PRUNE2: variants seen among roughly 807,000 people sequenced by gnomAD.
PRUNE2 encodes protein prune homolog 2.
In PRUNE2, 164 loss-of-function variants were observed where a neutral mutation model predicts 252.0. That is an observed-to-expected ratio of 0.65 (90% CI 0.57 to 0.74). The LOEUF (loss-of-function observed/expected upper bound fraction) is 0.74, where lower values mean the gene tolerates loss of function less well. Among genes scored for constraint, PRUNE2 ranks in the 30% least tolerant of loss-of-function variants. PRUNE2 has a pLI of 0.00. For synonymous variants in PRUNE2, 1,292 were observed against 1,350.2 expected, an observed-to-expected ratio of 0.96 and a Z score of 0.94; for missense variants, 3,495 against 3,711.0, an observed-to-expected ratio of 0.94 and a Z score of 1.51.
intron 6 of PRUNE2, chr9:76,737,372 G>A (rs890289884): frequency 6.6e-6 from 1 of 152,208 alleles, no homozygotes; most frequent in East Asian, 1.9e-4. Flanking sequence ...GCTAACATCA[G>A]TGACAGCAGA....
At chr9:76,651,315 G>A (rs1252866321) in intron 11 of PRUNE2, among the ~76,000 whole-genome samples, 1 of 152,190 alleles carries the variant, frequency 6.6e-6, no homozygotes, top group East Asian at 1.9e-4. Flanking sequence ...TCAAGGTAGA[G>A]TCTGAACTGC....
chr9:76,757,672 T>G (rs2051280750), intron 6 of PRUNE2, among the ~76,000 whole-genome samples: 1 of 152,092 alleles, frequency 6.6e-6, no homozygotes, highest in Admixed American at 6.5e-5. Flanking sequence ...GGTCAAGAGA[T>G]TACAACAGGC....
chr9:76,891,648 C>A (rs889942325), intron 1 of PRUNE2, among the ~76,000 whole-genome samples: 5 of 152,224 alleles, frequency 3.3e-5, no homozygotes, highest in Non-Finnish European at 7.3e-5. Flanking sequence ...CAGAAAAGTG[C>A]CCTGTATTTT....
chr9:76,776,422 G>A (rs2053749928), intron 6 of PRUNE2, among the ~76,000 whole-genome samples: 1 of 151,488 alleles, frequency 6.6e-6, no homozygotes, highest in African/African-American at 2.4e-5. Flanking sequence ...TTTCACATAG[G>A]ATAATGATCT....
Position 76,707,913 on chromosome 9 carries a change from T to A in PRUNE2, c.4361A>T (p.Lys1454Ile). The A allele has an allele frequency of 6.2e-7, 1 of 1,613,910 alleles. No homozygotes were observed. The highest frequency in any genetic ancestry group is 1.3e-5 in the African/African-American group (1 of 75,042). ...ATCCTTTTCAGGTACAGATACATATTTTGTGAAATTCATCCCATCTGAAGT... is the reference window on the plus strand; with the variant it reads ...ATCCTTTTCAGGTACAGATACATATATTGTGAAATTCATCCCATCTGAAGT... ...TETSDGMNFT[K>I]YVSVPEKDLE... Residue 1454 changes from lysine to isoleucine, a missense_variant, in exon 8 of 19, where the codon AAA becomes ATA. Coordinates refer to ENST00000376718, the MANE Select transcript of PRUNE2 (RefSeq NM_015225.3).
At chr9:76,702,733 T>C (rs1221527676) in intron 9 of PRUNE2, among the ~76,000 whole-genome samples, 2 of 152,216 alleles carry the variant, frequency 1.3e-5, no homozygotes, top group Non-Finnish European at 2.9e-5. Flanking sequence ...TATCTAACTA[T>C]AAGTTAGGTG....
At chr9:76,757,498 A>T (rs1447641101) in intron 6 of PRUNE2, among the ~76,000 whole-genome samples, 1 of 152,222 alleles carries the variant, frequency 6.6e-6, no homozygotes, top group Non-Finnish European at 1.5e-5. Context: ...CAGAAACTAA[A>T]GCATCTATAA....
chr9:76,691,511 A>G (rs534023383), intron 9 of PRUNE2, among the ~76,000 whole-genome samples: 1 of 152,330 alleles, frequency 6.6e-6, no homozygotes, highest in African/African-American at 2.4e-5. Context: ...AGGGAACAAC[A>G]TAAGCCCATG....
intron 1 of PRUNE2, among the ~76,000 whole-genome samples, chr9:76,889,830 T>C (rs1014568232): frequency 6.6e-6 from 1 of 152,240 alleles, no homozygotes; most frequent in South Asian, 2.1e-4. Flanking sequence ...GGCTCATCAA[T>C]GCTCTGGACA....
rs1231983143 is a variant in PRUNE2, at chr9:76,870,574, T to C, written c.37-16366A>G. On this transcript the variant is annotated intron_variant, in intron 1 of 18. Coordinates refer to ENST00000376718, the MANE Select transcript of PRUNE2 (RefSeq NM_015225.3). Reference sequence around the variant, plus strand: ...GGTAGCGGGTGCCTGTGGTCCCACCTACTCGGGAGGCTGAGGCAGGAGAAT... The same window carrying C: ...GGTAGCGGGTGCCTGTGGTCCCACCCACTCGGGAGGCTGAGGCAGGAGAAT... Among the ~76,000 whole-genome samples the C allele has an allele frequency of 2.6e-5, 4 of 151,852 alleles. No individual in the cohort carries two copies. In the East Asian group the frequency reaches 7.8e-4, roughly 29 times the overall value.
chr9:76,722,317 GT>G (rs1310083717), intron 6 of PRUNE2, among the ~76,000 whole-genome samples: 2 of 149,186 alleles, frequency 1.3e-5, no homozygotes, highest in African/African-American at 5.0e-5. Flanking sequence ...TGATCCTCCT[GT>G]CTCAGCCTCC....
intron 6 of PRUNE2, among the ~76,000 whole-genome samples, chr9:76,794,786 T>C (rs922183384): frequency 6.6e-6 from 1 of 152,112 alleles, no homozygotes; most frequent in Non-Finnish European, 1.5e-5. Flanking sequence ...ATATGTATAA[T>C]GGGAATGCAA....
intron 1 of PRUNE2, among the ~76,000 whole-genome samples, chr9:76,855,082 A>AAAAAAAAAAAAAAAAAAAAT (rs1490285240): frequency 9.1e-6 from 1 of 109,438 alleles, no homozygotes; most frequent in African/African-American, 3.9e-5. Flanking sequence ...AAAAAAAAAA[A>AAAAAAAAAAAAAAAAAAAAT]ATATATATAT....
intron 10 of PRUNE2, among the ~76,000 whole-genome samples, chr9:76,654,324 T>C (rs1010146939): frequency 7.2e-5 from 11 of 152,240 alleles, no homozygotes; most frequent in African/African-American, 2.4e-4. Flanking sequence ...ACTGTTCCCC[T>C]GTCAGTCATT....
At chr9:76,668,900 G>C (rs1249666668) in intron 9 of PRUNE2, among the ~76,000 whole-genome samples, 2 of 150,198 alleles carry the variant, frequency 1.3e-5, no homozygotes, top group Non-Finnish European at 3.0e-5. Context: ...GGAAGTCTGA[G>C]ATCAAGATGT....
intron 1 of PRUNE2, among the ~76,000 whole-genome samples, chr9:76,893,639 C>T (rs1483598634): frequency 5.9e-5 from 9 of 152,180 alleles, no homozygotes; most frequent in African/African-American, 2.2e-4. Flanking sequence ...AGAGATGTTG[C>T]GCTTGGTCAG....
intron 6 of PRUNE2, among the ~76,000 whole-genome samples, chr9:76,734,069 A>C (rs1380547796): frequency 6.6e-6 from 1 of 152,132 alleles, no homozygotes; most frequent in African/African-American, 2.4e-5. Context: ...GGGCTACTCA[A>C]GTCTGGGCAT....
Position 76,705,671 on chromosome 9 carries a change from T to C in PRUNE2, c.6603A>G (p.Thr2201=), listed in dbSNP as rs748973431. 23 of 1,613,916 alleles carry C rather than the reference T, an allele frequency of 1.4e-5. No homozygotes were observed. Among genetic ancestry groups the C allele is most frequent in the Admixed American group, 6.7e-5 (4 of 60,004 alleles). The change falls in exon 8 of 19, where the codon ACA becomes ACG. Residue 2201 remains threonine (T), a synonymous_variant. Coordinates refer to ENST00000376718, the MANE Select transcript of PRUNE2 (RefSeq NM_015225.3). ...EPSEINGDNS[T]GLQVSEKGAS... The stretch of plus-strand genomic sequence containing the variant: ...CTCCTTTTTCTGATACTTGTAAACC[T>C]GTACTGTTGTCACCGTTTATTTCAG...
chr9:76,751,670 A>G lies in PRUNE2; in HGVS notation c.757-37949T>C, dbSNP rs150752404. On this transcript the variant is annotated intron_variant, in intron 6 of 18. Coordinates refer to ENST00000376718, the MANE Select transcript of PRUNE2 (RefSeq NM_015225.3). ...GGTTTGTTTAAATCAATATATTTGG[A>G]AAAAAACCTCTCACCGAAAATACTA... Among the ~76,000 whole-genome samples the G allele has an allele frequency of 2.7e-3, 410 of 152,274 alleles. 10 individuals carry two copies. The East Asian group carries it at 0.048, about 18-fold the overall frequency.
Sources: gnomAD v4.1 joint callset for allele counts (sites outside exome capture counted in the v4.1 genomes callset) on GRCh38, gnomAD v4.1.1 for gene constraint, MANE v1.5 for transcripts, NCBI Gene and HGNC (gene_info 2026-07-23, HGNC 2026-07-21) for gene names.